Variants in COL24A1 observed in about 807,000 individuals in gnomAD.
The protein encoded by COL24A1 is collagen alpha-1(XXIV) chain.
A neutral mutation model predicts 253.9 loss-of-function variants in COL24A1; 224 were observed. That is an observed-to-expected ratio of 0.88 (90% CI 0.79 to 0.99). The LOEUF (loss-of-function observed/expected upper bound fraction) is 0.99, where lower values mean the gene tolerates loss of function less well. Among genes scored for constraint, COL24A1 ranks in the 50% least tolerant of loss-of-function variants. The pLI, the probability that COL24A1 is intolerant of heterozygous loss-of-function variation, is 0.00. For missense variants in COL24A1, 2,131 were observed against 2,068.5 expected (o/e 1.03, Z -0.59); for synonymous variants, 685 against 673.7 (o/e 1.02, Z -0.26).
In COL24A1 at chr1:85,875,269, A is replaced by C; in HGVS notation, c.3084+8T>G. ...TTAGAGATTCTCCTTTATTTTTTAG[A>C]AGGTTACCTTTGCACCTGGTTCACC... is the stretch of plus-strand genomic sequence containing the variant. On this transcript the variant is annotated splice_region_variant and intron_variant, in intron 34 of 59. Coordinates refer to ENST00000370571, the MANE Select transcript of COL24A1 (RefSeq NM_152890.7). 1 of 1,612,356 alleles carries C rather than the reference A, an allele frequency of 6.2e-7. No homozygotes were observed. Among genetic ancestry groups the C allele is most frequent in the Non-Finnish European group, 8.5e-7 (1 of 1,178,596 alleles).
chr1:85,845,113 C>T (rs1410155208), intron 39 of COL24A1, among the ~76,000 whole-genome samples: 2 of 151,716 alleles, frequency 1.3e-5, no homozygotes, highest in South Asian at 2.1e-4. Context: ...AAATAAAACT[C>T]TTAAATAAAA....
chr1:86,148,954 A>C (rs911746368), intron 1 of COL24A1, among the ~76,000 whole-genome samples: 19 of 152,130 alleles, frequency 1.2e-4, no homozygotes, highest in Non-Finnish European at 1.9e-4. Flanking sequence ...GAACTAGTTT[A>C]CAGTCCCACC....
chr1:85,823,040 A>C (rs914786873), intron 45 of COL24A1, among the ~76,000 whole-genome samples: 2 of 152,184 alleles, frequency 1.3e-5, no homozygotes, highest in Non-Finnish European at 1.5e-5. Context: ...TTTGGTGTTG[A>C]GTCCAATCTC....
At chr1:85,946,362 C>T (rs1307569579) in intron 24 of COL24A1, among the ~76,000 whole-genome samples, 4 of 152,088 alleles carry the variant, frequency 2.6e-5, no homozygotes, top group Middle Eastern at 3.2e-3. Context: ...TATGCTTTCA[C>T]TGTAATGAAT....
intron 24 of COL24A1, among the ~76,000 whole-genome samples, chr1:85,917,839 G>T (rs1686043581): frequency 6.6e-6 from 1 of 151,936 alleles, no homozygotes; most frequent in African/African-American, 2.4e-5. Context: ...TGAGCAGCTG[G>T]GACTACAGGC....
chr1:85,890,425 T>C (rs892076891), intron 31 of COL24A1, among the ~76,000 whole-genome samples: 5 of 151,796 alleles, frequency 3.3e-5, no homozygotes, highest in Middle Eastern at 3.4e-3. Context: ...TTTTTTTTTT[T>C]AGAACAGCAT....
chr1:85,770,335 T>C (rs1376178133), intron 53 of COL24A1, among the ~76,000 whole-genome samples: 1 of 152,116 alleles, frequency 6.6e-6, no homozygotes, highest in Non-Finnish European at 1.5e-5. Flanking sequence ...GCTGTGACTA[T>C]GTAATCTCAT....
intron 14 of COL24A1, among the ~76,000 whole-genome samples, chr1:86,029,270 G>A (rs2101474902): frequency 6.6e-6 from 1 of 152,236 alleles, no homozygotes; most frequent in South Asian, 2.1e-4. Flanking sequence ...CGAAATTCTG[G>A]ACTCTGGATT....
At chr1:85,872,233 T>C (rs1039757750) in intron 35 of COL24A1, among the ~76,000 whole-genome samples, 2 of 152,096 alleles carry the variant, frequency 1.3e-5, no homozygotes, top group Non-Finnish European at 2.9e-5. Context: ...TGCTCATGGA[T>C]AGGAAGAATC....
At chr1:86,073,868 C>T (rs926108445) in intron 7 of COL24A1, among the ~76,000 whole-genome samples, 2 of 152,236 alleles carry the variant, frequency 1.3e-5, no homozygotes, top group Middle Eastern at 6.8e-3. Context: ...TCCAATCAAA[C>T]TAAGCTTCAT....
At chr1:85,841,796 T>C (rs979026847) in intron 41 of COL24A1, among the ~76,000 whole-genome samples, 4 of 152,186 alleles carry the variant, frequency 2.6e-5, no homozygotes, top group Non-Finnish European at 4.4e-5. Flanking sequence ...TTACAATTTC[T>C]TTAAATAATT....
chr1:85,999,188 G>T (rs1455403515), intron 19 of COL24A1, among the ~76,000 whole-genome samples: 7 of 152,162 alleles, frequency 4.6e-5, no homozygotes, highest in Non-Finnish European at 7.3e-5. Context: ...GGCAATAAAT[G>T]GTCCTCCACT....
intron 7 of COL24A1, among the ~76,000 whole-genome samples, chr1:86,078,110 G>A (rs915534350): frequency 6.6e-6 from 1 of 152,096 alleles, no homozygotes; most frequent in Non-Finnish European, 1.5e-5. Context: ...TTATGACCAA[G>A]TGGGATTTAT....
chr1:85,778,977 G>C (rs926328439), intron 52 of COL24A1, among the ~76,000 whole-genome samples: 4 of 151,642 alleles, frequency 2.6e-5, no homozygotes, highest in Admixed American at 1.3e-4. Context: ...AAATACTTTT[G>C]GCAAATGGGG....
chr1:85,866,644 C>T (rs753871256), intron 37 of COL24A1, among the ~76,000 whole-genome samples: 6 of 151,480 alleles, frequency 4.0e-5, no homozygotes, highest in South Asian at 4.2e-4. Context: ...CATGGTGGTG[C>T]GTGCCTGTAG....
intron 27 of COL24A1, 51 bp downstream of exon 27, chr1:85,908,547 A>G: frequency 9.7e-7 from 1 of 1,036,100 alleles, no homozygotes. Context: ...TTATGAGTTT[A>G]AATTAAAGTA....
At chr1:86,133,978 T>C (rs1430618637) in intron 2 of COL24A1, among the ~76,000 whole-genome samples, 1 of 46,120 alleles carries the variant, frequency 2.2e-5, no homozygotes, top group Non-Finnish European at 6.4e-5. Context: ...CATCTGGTCC[T>C]GGACTTTTTT....
Position 85,838,571 on chromosome 1 carries a change from T to A in COL24A1, c.3681+14A>T, listed in dbSNP as rs1676266612. On this transcript the variant is annotated intron_variant, in intron 43 of 59. Coordinates refer to ENST00000370571, the MANE Select transcript of COL24A1 (RefSeq NM_152890.7). ...TATTTAAATTCATTAGTAAGGGGTA[T>A]AACTTGCAATTACCTTATATCCCTC... 6.2e-7 allele frequency: 1 copy of A among 1,612,222 alleles called. No homozygotes were observed. Among genetic ancestry groups the A allele is most frequent in the Non-Finnish European group, 8.5e-7 (1 of 1,178,314 alleles).
chr1:85,744,428 T>A (rs923264896), intron 57 of COL24A1, among the ~76,000 whole-genome samples: 1 of 152,036 alleles, frequency 6.6e-6, no homozygotes, highest in Non-Finnish European at 1.5e-5. Context: ...TCTTAATTTT[T>A]AATATGAATA....
Sources: gnomAD v4.1 joint callset for allele counts (sites outside exome capture counted in the v4.1 genomes callset) on GRCh38, gnomAD v4.1.1 for gene constraint, MANE v1.5 for transcripts, NCBI Gene and HGNC (gene_info 2026-07-23, HGNC 2026-07-21) for gene names.